CAB39L: variants seen among roughly 807,000 people sequenced by gnomAD.
CAB39L encodes the protein calcium binding protein 39 like.
CAB39L carries 23 observed loss-of-function variants against 39.1 expected under a neutral mutation model. That is an observed-to-expected ratio of 0.59 (90% confidence interval 0.42 to 0.83). The LOEUF (loss-of-function observed/expected upper bound fraction) is 0.83, where lower values mean the gene tolerates loss of function less well. CAB39L is among the 40% of genes least tolerant of loss of function. The pLI is 0.00. For missense variants in CAB39L, 366 were observed against 391.9 expected, an observed-to-expected ratio of 0.93 and a Z score of 0.56; for synonymous variants, 126 against 137.2, an observed-to-expected ratio of 0.92 and a Z score of 0.57.
intron 10 of CAB39L, among the ~76,000 whole-genome samples, chr13:49,329,662 A>G (rs1006040882): frequency 1.3e-5 from 2 of 149,368 alleles, no homozygotes; most frequent in Non-Finnish European, 3.0e-5. Context: ...CAAAGCAACA[A>G]TTACCTTATA....
chr13:49,422,696 C>T (rs918827848), intron 3 of CAB39L, among the ~76,000 whole-genome samples: 1 of 151,934 alleles, frequency 6.6e-6, no homozygotes, highest in Non-Finnish European at 1.5e-5. Flanking sequence ...GATCCTCCCA[C>T]CTCAGCCTCC....
intron 7 of CAB39L, among the ~76,000 whole-genome samples, chr13:49,344,754 C>T (rs1280948146): frequency 6.6e-6 from 1 of 152,044 alleles, no homozygotes; most frequent in African/African-American, 2.4e-5. Flanking sequence ...GATCTCCTGA[C>T]TTTGTGATCC....
Position 49,346,100 on chromosome 13 carries a change from G to GAGATATATATATATATATAT in CAB39L, c.565-1863_565-1862insATATATATATATATATATCT, listed in dbSNP as rs1555254610. On this transcript the variant is annotated intron_variant, in intron 7 of 10. Transcript: ENST00000409308. ...GATATATATATATATATATATGCTAGATATATATATATATATATATATATC... is the reference window on the plus strand; with the variant it reads ...GATATATATATATATATATATGCTAGAGATATATATATATATATATATATATATATATATATATATATATC... Among the ~76,000 whole-genome samples, 33 of 30,910 alleles carry GAGATATATATATATATATAT rather than the reference G, an allele frequency of 1.1e-3. 2 individuals are homozygous for GAGATATATATATATATATAT. The highest frequency in any genetic ancestry group is 2.9e-3 in the South Asian group (3 of 1,026). The allele number at this position is 30,910 out of a possible 152,430, so 20.3% of individuals were successfully genotyped here. A position where few individuals can be genotyped will look rare whatever the true frequency, so the allele number is the denominator to read the frequency against.
intron 7 of CAB39L, 107 bp downstream of exon 7, chr13:49,350,637 A>T: frequency 1.4e-6 from 1 of 732,194 alleles, no homozygotes. Flanking sequence ...ATGGTTGGCT[A>T]CACTGAGGCC....
At chr13:49,428,883 TAAAC>T (rs917617264) in intron 3 of CAB39L, among the ~76,000 whole-genome samples, 2 of 152,160 alleles carry the variant, frequency 1.3e-5, no homozygotes, top group Non-Finnish European at 2.9e-5. Flanking sequence ...ATAGCAAAGA[TAAAC>T]AAGTCAATGA....
chr13:49,437,569 C>T (rs1183615367), intron 1 of CAB39L, among the ~76,000 whole-genome samples: 2 of 152,184 alleles, frequency 1.3e-5, no homozygotes, highest in African/African-American at 4.8e-5. Context: ...TATTCTGCTA[C>T]CCCTAGGTCC....
chr13:49,327,534 C>G (rs146265528), intron 10 of CAB39L, among the ~76,000 whole-genome samples: 1,607 of 151,812 alleles, frequency 0.011, 13 homozygotes, highest in Non-Finnish European at 0.017. Context: ...AAACTCCTGG[C>G]CTCAAGTGAT....
At chr13:49,357,343 T>C (rs950289853) in intron 6 of CAB39L, among the ~76,000 whole-genome samples, 5 of 152,190 alleles carry the variant, frequency 3.3e-5, no homozygotes, top group African/African-American at 1.2e-4. Flanking sequence ...CCTCATAGTA[T>C]TGGAAAGTAA....
intron 5 of CAB39L, among the ~76,000 whole-genome samples, chr13:49,361,447 C>T (rs1367415179): frequency 4.0e-5 from 5 of 126,422 alleles, no homozygotes; most frequent in Non-Finnish European, 7.9e-5. Flanking sequence ...CACTGCACTC[C>T]AGCCCAGGCA....
chr13:49,362,076 G>T (rs9596087), intron 5 of CAB39L, among the ~76,000 whole-genome samples: 40,141 of 151,364 alleles, frequency 0.27, 5,572 homozygotes, highest in Middle Eastern at 0.31. Flanking sequence ...AATTAAGGAT[G>T]TATAATATAT....
chr13:49,377,803 CCGG>C (rs1260546839), intron 4 of CAB39L, among the ~76,000 whole-genome samples: 21 of 91,382 alleles, frequency 2.3e-4, no homozygotes, highest in South Asian at 6.9e-4. Flanking sequence ...CAGCCTCTGC[CCGG>C]CCGCCACCCC....
chr13:49,401,717 T>G (rs1376005738), intron 3 of CAB39L: 1 of 152,220 alleles, frequency 6.6e-6, no homozygotes, highest in Non-Finnish European at 1.5e-5. Flanking sequence ...TACTTGTTCA[T>G]GCATGGGGTT....
At chr13:49,420,504 T>C (rs935035434) in intron 3 of CAB39L, 1 of 152,326 alleles carries the variant, frequency 6.6e-6, no homozygotes, top group Non-Finnish European at 1.5e-5. Context: ...CCAAACAGTA[T>C]AAAAGCTCAA....
intron 1 of CAB39L, among the ~76,000 whole-genome samples, chr13:49,434,982 G>A (rs1256480909): frequency 6.6e-6 from 1 of 152,014 alleles, no homozygotes; most frequent in Non-Finnish European, 1.5e-5. Flanking sequence ...TGATGATTTA[G>A]GGTTAAAACT....
At chr13:49,441,101 C>G (rs1225944858) in intron 1 of CAB39L, among the ~76,000 whole-genome samples, 1 of 151,452 alleles carries the variant, frequency 6.6e-6, no homozygotes, top group South Asian at 2.1e-4. Context: ...TCTTAGCTTA[C>G]TCTGAAATAT....
chr13:49,400,379 T>C (rs774427852), intron 3 of CAB39L, among the ~76,000 whole-genome samples: 12 of 151,966 alleles, frequency 7.9e-5, no homozygotes, highest in Non-Finnish European at 1.5e-4. Flanking sequence ...AAAAGTTTTA[T>C]TGGAATGTGA....
intron 3 of CAB39L, among the ~76,000 whole-genome samples, chr13:49,387,299 G>C (rs1286323561): frequency 6.6e-6 from 1 of 152,194 alleles, no homozygotes; most frequent in Non-Finnish European, 1.5e-5. Context: ...CCTGACAATG[G>C]TGCCTTGTGG....
chr13:49,434,259 AGTCACATCAATCTG>A (rs1163817065), intron 1 of CAB39L, 36 bp from the exon 2 acceptor site: 17 of 431,794 alleles, frequency 3.9e-5, no homozygotes, highest in Non-Finnish European at 7.8e-5. Flanking sequence ...CAGGCTTTGG[AGTCACATCAATCTG>A]GTTTTAAATC....
At chr13:49,384,203 CAGG>C (rs1361801469) in intron 3 of CAB39L, among the ~76,000 whole-genome samples, 9 of 152,202 alleles carry the variant, frequency 5.9e-5, no homozygotes, top group Non-Finnish European at 1.3e-4. Flanking sequence ...TCATCTTCAG[CAGG>C]AGTAGATTCC....
Sources: allele counts gnomAD v4.1 joint callset (sites outside exome capture counted in the v4.1 genomes callset), GRCh38; gene constraint gnomAD v4.1.1; transcripts MANE v1.5; gene names NCBI Gene and HGNC (gene_info 2026-07-23, HGNC 2026-07-21).